The following JAKMIP2 variants were observed in gnomAD, a reference collection of about 807,000 sequenced individuals.
The protein encoded by JAKMIP2 is janus kinase and microtubule-interacting protein 2.
In JAKMIP2, 25 loss-of-function variants were observed where a neutral mutation model predicts 115.0. That is an observed-to-expected ratio of 0.22 (90% CI 0.16 to 0.30). JAKMIP2 has a LOEUF of 0.30. Ranked by LOEUF, JAKMIP2 falls within the 10% of genes least tolerant of loss-of-function variation. JAKMIP2 has a pLI of 1.00. For synonymous variants in JAKMIP2, 334 were observed against 343.6 expected, an observed-to-expected ratio of 0.97 and a Z score of 0.31; for missense variants, 642 against 957.6, an observed-to-expected ratio of 0.67 and a Z score of 4.35.
chr5:147,765,028 GAGAGAA>G (rs1211092877), intron 1 of JAKMIP2, among the ~76,000 whole-genome samples: 7 of 127,040 alleles, frequency 5.5e-5, no homozygotes, highest in Non-Finnish European at 6.9e-5. Context: ...GACAGAGAGA[GAGAGAA>G]AGAAAGAAAG....
intron 1 of JAKMIP2, among the ~76,000 whole-genome samples, chr5:147,685,413 A>G (rs1760519161): frequency 6.6e-6 from 1 of 152,206 alleles, no homozygotes; most frequent in Non-Finnish European, 1.5e-5. Context: ...ACTACAGTAA[A>G]TGATCTATAT....
At chr5:147,660,657 A>G in intron 3 of JAKMIP2, 2 of 403,182 alleles carry the variant, frequency 5.0e-6, no homozygotes, top group African/African-American at 2.0e-5. Flanking sequence ...TTCCATATAT[A>G]TGGTCCTTGG....
At chr5:147,642,648 C>A (rs1581342106) in intron 7 of JAKMIP2, among the ~76,000 whole-genome samples, 1 of 149,926 alleles carries the variant, frequency 6.7e-6, no homozygotes, top group Middle Eastern at 3.4e-3. Context: ...TTGTTTAAGC[C>A]AGTGGTGTTC....
At chr5:147,689,460 C>A (rs933613424) in intron 1 of JAKMIP2, among the ~76,000 whole-genome samples, 2 of 152,040 alleles carry the variant, frequency 1.3e-5, no homozygotes, top group Non-Finnish European at 2.9e-5. Context: ...CTGCAAAAAT[C>A]CAGCTTGGAG....
intron 1 of JAKMIP2, among the ~76,000 whole-genome samples, chr5:147,710,955 T>C (rs1270990292): frequency 6.6e-6 from 1 of 152,260 alleles, no homozygotes; most frequent in Non-Finnish European, 1.5e-5. Context: ...TAAAAATCTT[T>C]CTACTATTTC....
At chr5:147,725,660 C>G (rs971660599) in intron 1 of JAKMIP2, among the ~76,000 whole-genome samples, 1 of 152,028 alleles carries the variant, frequency 6.6e-6, no homozygotes, top group Admixed American at 6.6e-5. Flanking sequence ...AGGTTAAAGG[C>G]CCCTCTTAAT....
At chr5:147,617,778 T>C (rs1561849986) in intron 19 of JAKMIP2, 133 bp downstream of exon 19, 1 of 659,134 alleles carries the variant, frequency 1.5e-6, no homozygotes, top group Middle Eastern at 4.1e-4. Flanking sequence ...AAAACAATGG[T>C]TATTTATTTT....
intron 1 of JAKMIP2, among the ~76,000 whole-genome samples, chr5:147,711,634 C>T (rs1752785609): frequency 2.0e-5 from 3 of 152,190 alleles, no homozygotes; most frequent in Admixed American, 6.5e-5. Context: ...AATGAAGCAA[C>T]GAGTGTAAAT....
At chr5:147,722,149 T>A (rs1175062806) in intron 1 of JAKMIP2, among the ~76,000 whole-genome samples, 3 of 152,178 alleles carry the variant, frequency 2.0e-5, no homozygotes, top group African/African-American at 4.8e-5. Flanking sequence ...TATAACATTT[T>A]AAAAAATCAA....
chr5:147,686,740 T>C (rs1418231735), intron 1 of JAKMIP2, among the ~76,000 whole-genome samples: 2 of 152,160 alleles, frequency 1.3e-5, no homozygotes, highest in Non-Finnish European at 2.9e-5. Flanking sequence ...TGATGTTTTA[T>C]CCACATTAAA....
chr5:147,628,300 T>A (rs1757198633), intron 16 of JAKMIP2, among the ~76,000 whole-genome samples: 1 of 152,136 alleles, frequency 6.6e-6, no homozygotes, highest in African/African-American at 2.4e-5. Context: ...CCTGACAGTC[T>A]CTATGTCGGA....
chr5:147,760,077 A>G (rs1406484753), intron 1 of JAKMIP2, among the ~76,000 whole-genome samples: 1 of 152,136 alleles, frequency 6.6e-6, no homozygotes, highest in Non-Finnish European at 1.5e-5. Context: ...TTTAAAACCT[A>G]ATGCCATTTA....
At chr5:147,636,747 C>T (rs1440821777) in intron 11 of JAKMIP2, among the ~76,000 whole-genome samples, 1 of 152,224 alleles carries the variant, frequency 6.6e-6, no homozygotes, top group African/African-American at 2.4e-5. Context: ...GGCATTCTCT[C>T]TCTTGCCCAA....
chr5:147,768,707 T>C (rs1280506534), intron 1 of JAKMIP2, among the ~76,000 whole-genome samples: 1 of 152,122 alleles, frequency 6.6e-6, no homozygotes, highest in East Asian at 1.9e-4. Flanking sequence ...CACTATAAAA[T>C]AATTCACACT....
chr5:147,638,574 C>T (rs1757733012), intron 10 of JAKMIP2, among the ~76,000 whole-genome samples: 1 of 152,098 alleles, frequency 6.6e-6, no homozygotes, highest in Non-Finnish European at 1.5e-5. Flanking sequence ...GTGCATGCTA[C>T]TGTTGAAAAA....
intron 1 of JAKMIP2, among the ~76,000 whole-genome samples, chr5:147,696,589 C>A (rs1186163443): frequency 6.6e-6 from 1 of 152,032 alleles, no homozygotes; most frequent in Non-Finnish European, 1.5e-5. Context: ...ATTGGTACTG[C>A]AGAGAGTGCC....
chr5:147,610,494 C>T (rs1293934799), intron 20 of JAKMIP2, among the ~76,000 whole-genome samples: 1 of 152,172 alleles, frequency 6.6e-6, no homozygotes, highest in Admixed American at 6.5e-5. Context: ...CTCTGTTTGC[C>T]GGTTATCACC....
chr5:147,747,678 G>A (rs1754395379), intron 1 of JAKMIP2, among the ~76,000 whole-genome samples: 1 of 152,108 alleles, frequency 6.6e-6, no homozygotes, highest in African/African-American at 2.4e-5. Context: ...CAGTAAGAAT[G>A]TAAGGAATCA....
At chr5:147,713,666 A>G (rs925708930) in intron 1 of JAKMIP2, among the ~76,000 whole-genome samples, 61 of 152,332 alleles carry the variant, frequency 4.0e-4, no homozygotes, top group Middle Eastern at 3.4e-3. Context: ...ATCTGAGGGT[A>G]AATAGGAGAC....
Sources: gnomAD v4.1 joint callset for allele counts (sites outside exome capture counted in the v4.1 genomes callset) on GRCh38, gnomAD v4.1.1 for gene constraint, MANE v1.5 for transcripts, NCBI Gene and HGNC (gene_info 2026-07-23, HGNC 2026-07-21) for gene names.